TMEM135: variants seen among roughly 807,000 people sequenced by gnomAD.
TMEM135 encodes transmembrane protein 135.
TMEM135 carries 30 observed loss-of-function variants against 60.3 expected under a neutral mutation model. The observed-to-expected ratio is 0.50, with a 90% confidence interval of 0.37 to 0.68. The LOEUF is 0.68. Ranked by LOEUF, TMEM135 falls within the 30% of genes least tolerant of loss-of-function variation. TMEM135 has a pLI of 0.00. For missense variants in TMEM135, 468 were observed against 548.8 expected, an observed-to-expected ratio of 0.85 and a Z score of 1.47; for synonymous variants, 190 against 186.7, an observed-to-expected ratio of 1.02 and a Z score of -0.14.
intron 1 of TMEM135, among the ~76,000 whole-genome samples, chr11:87,066,932 C>G (rs1400678116): frequency 6.6e-6 from 1 of 151,274 alleles, no homozygotes; most frequent in African/African-American, 2.4e-5. Context: ...AGGCGCCCAC[C>G]ACCACGCCCG....
chr11:87,067,893 A>G (rs1413701640), intron 2 of TMEM135, 72 bp downstream of exon 2: 4 of 1,575,590 alleles, frequency 2.5e-6, no homozygotes, highest in Non-Finnish European at 8.7e-7. Flanking sequence ...ATGTGTTTAC[A>G]TAAATGTTAT....
intron 5 of TMEM135, among the ~76,000 whole-genome samples, chr11:87,227,523 T>G (rs1214044698): frequency 6.6e-6 from 1 of 151,978 alleles, no homozygotes; most frequent in South Asian, 2.1e-4. Flanking sequence ...AAAAAAAAAT[T>G]AGGTAAAGCT....
intron 1 of TMEM135, among the ~76,000 whole-genome samples, chr11:87,045,152 C>G (rs1565419181): frequency 6.6e-6 from 1 of 151,728 alleles, no homozygotes; most frequent in Admixed American, 6.6e-5. Context: ...GCCTCAGCCT[C>G]TCGAGTAGCT....
In TMEM135 at chr11:87,327,339, A is replaced by C. The variant is rs1231003048; in HGVS notation, c.*6006A>C. The C allele has an allele frequency of 4.4e-6, 2 of 454,016 alleles. No individual in the cohort carries two copies. The highest frequency in any genetic ancestry group is 3.1e-5 in the South Asian group (2 of 64,472). 28.1% of individuals were successfully genotyped at this position (454,016 alleles called of 1,614,324 possible). ...CTTGCAGACATGAAATGAAAAGTAC[A>C]AACATGAAAAACCAGCATATTAAAG... On this transcript the variant is annotated 3_prime_UTR_variant, in exon 15 of 15. Transcript: ENST00000305494.
chr11:87,212,525 G>A (rs1591107870), intron 5 of TMEM135, among the ~76,000 whole-genome samples: 1 of 152,100 alleles, frequency 6.6e-6, no homozygotes, highest in South Asian at 2.1e-4. Context: ...CAAGGCTCAC[G>A]TATATAAATA....
At chr11:87,314,030 A>G (rs1395475759) in intron 11 of TMEM135, among the ~76,000 whole-genome samples, 2 of 151,770 alleles carry the variant, frequency 1.3e-5, no homozygotes, top group Non-Finnish European at 3.0e-5. Context: ...TTGGTTTTCC[A>G]TTTATATAAT....
rs563465238 is a variant in TMEM135, at chr11:87,106,980, A to G, written c.396+15585A>G. ...AGCAAGGGTAGGGATTGAGGGTGCC[A>G]CACACTTTTAAATAACTGGATTTCA... On this transcript the variant is annotated intron_variant, in intron 4 of 14. Transcript: ENST00000305494. Among the ~76,000 whole-genome samples the G allele has an allele frequency of 6.6e-5, 10 of 152,240 alleles. 1 individual carries two copies. In the South Asian group the frequency reaches 1.9e-3, roughly 28 times the overall value.
chr11:87,230,440 T>C (rs1001698767), intron 5 of TMEM135, among the ~76,000 whole-genome samples: 1 of 152,104 alleles, frequency 6.6e-6, no homozygotes, highest in Non-Finnish European at 1.5e-5. Context: ...AAAATTACCA[T>C]GTATTGAGCA....
Position 87,323,315 on chromosome 11 carries a change from G to A in TMEM135, c.*1982G>A, listed in dbSNP as rs757263370. ...GCAGAATACAATGATGAATGTATAG[G>A]TTGAGTGAATAACCAATTTGCAGTG... On this transcript the variant is annotated 3_prime_UTR_variant, in exon 15 of 15. Coordinates refer to ENST00000305494, the MANE Select transcript of TMEM135 (RefSeq NM_022918.4). 8.8e-6 allele frequency: 4 copies of A among 453,962 alleles called. No individual in the cohort carries two copies. The highest frequency in any genetic ancestry group is 6.2e-5 in the South Asian group (4 of 64,458). 28.1% of individuals were successfully genotyped at this position (453,962 alleles called of 1,614,324 possible).
In TMEM135 at chr11:87,328,667, C is replaced by T. The variant is rs1027396045; in HGVS notation, c.*7334C>T. The T allele has an allele frequency of 1.3e-5, 6 of 453,904 alleles. No homozygotes were observed. The highest frequency in any genetic ancestry group is 7.1e-5 in the Admixed American group (3 of 42,548). 28.1% of individuals were successfully genotyped at this position (453,904 alleles called of 1,614,324 possible). On this transcript the variant is annotated 3_prime_UTR_variant, in exon 15 of 15. Coordinates refer to ENST00000305494, the MANE Select transcript of TMEM135 (RefSeq NM_022918.4). ...GCTCCATCCAAGATGCTGCAAAAGA[C>T]ATTATTTCATCTTTTATTTTTTATG...
chr11:87,258,886 A>G lies in TMEM135; in HGVS notation c.509+22202A>G. 6 of 1,003,512 alleles carry G rather than the reference A, an allele frequency of 6.0e-6. No individual in the cohort carries two copies. In the South Asian group the frequency reaches 6.3e-5, roughly 11 times the overall value. 62.2% of individuals were successfully genotyped at this position (1,003,512 alleles called of 1,614,324 possible). ...AGGAAGTGAAGGAAGAGCCCCTTGC[A>G]TTCTTCCTGAGAGCCCTGTGTTAGG... On this transcript the variant is annotated intron_variant, in intron 6 of 14. Transcript: ENST00000305494.
intron 5 of TMEM135, among the ~76,000 whole-genome samples, chr11:87,197,007 C>T (rs769111131): frequency 6.6e-5 from 10 of 151,510 alleles, no homozygotes; most frequent in African/African-American, 9.7e-5. Context: ...TACATTTCTC[C>T]TAATGAAAAA....
chr11:87,232,975 AC>A (rs1940920679), intron 5 of TMEM135, among the ~76,000 whole-genome samples: 1 of 152,090 alleles, frequency 6.6e-6, no homozygotes, highest in Non-Finnish European at 1.5e-5. Context: ...ACATGGTGAA[AC>A]CCCATCTCTA....
intron 4 of TMEM135, among the ~76,000 whole-genome samples, chr11:87,118,482 A>G (rs1857950141): frequency 6.7e-6 from 1 of 149,998 alleles, no homozygotes; most frequent in Non-Finnish European, 1.5e-5. Context: ...GGTGTGTCAC[A>G]CTGTTGCCCG....
intron 5 of TMEM135, among the ~76,000 whole-genome samples, chr11:87,159,617 A>ACACACCCCC (rs140303858): frequency 1.6e-4 from 24 of 149,458 alleles, no homozygotes; most frequent in African/African-American, 5.9e-4. Context: ...ACACACACAC[A>ACACACCCCC]CCATAGATTT....
At chr11:87,132,244 C>G (rs1009766945) in intron 4 of TMEM135, among the ~76,000 whole-genome samples, 13 of 152,220 alleles carry the variant, frequency 8.5e-5, no homozygotes, top group African/African-American at 3.1e-4. Flanking sequence ...TTCCATGAAA[C>G]CAGTCCCTGG....
chr11:87,253,622 A>G (rs1941463907), intron 6 of TMEM135, among the ~76,000 whole-genome samples: 1 of 29,382 alleles, frequency 3.4e-5, no homozygotes, highest in Admixed American at 3.4e-4. Flanking sequence ...TTTGAACTTA[A>G]AGGATGAGCC....
chr11:87,321,370 A>G lies in TMEM135; in HGVS notation c.*37A>G, dbSNP rs1296681525. 7 of 1,611,696 alleles carry G rather than the reference A, an allele frequency of 4.3e-6. No individual in the cohort carries two copies. The African/African-American group carries it at 6.7e-5, about 15-fold the overall frequency. On this transcript the variant is annotated 3_prime_UTR_variant, in exon 15 of 15. Transcript: ENST00000305494. ...ACTTATTAATGTGACTAAATGTTTC[A>G]TCTTGAAGAGTTAATTATGTTGAAC...
chr11:87,209,625 G>A (rs1289444081), intron 5 of TMEM135, among the ~76,000 whole-genome samples: 1 of 152,096 alleles, frequency 6.6e-6, no homozygotes, highest in African/African-American at 2.4e-5. Context: ...CTACTAGACA[G>A]ATCATTGAGG....
Sources: allele counts gnomAD v4.1 joint callset (sites outside exome capture counted in the v4.1 genomes callset), GRCh38; gene constraint gnomAD v4.1.1; transcripts MANE v1.5; gene names NCBI Gene and HGNC (gene_info 2026-07-23, HGNC 2026-07-21).